Variants in CCDC171 observed in about 807,000 individuals in gnomAD.
The protein encoded by CCDC171 is coiled-coil domain-containing protein 171.
Under a neutral mutation model 168.2 loss-of-function variants are expected in CCDC171, and 177 were observed. The observed-to-expected ratio is 1.05, with a 90% CI of 0.93 to 1.19. The LOEUF is 1.19. Among genes scored for constraint, CCDC171 ranks in the 50% most tolerant of loss-of-function variants. CCDC171 has a pLI of 0.00. For missense variants in CCDC171, 1,991 were observed against 1,539.0 expected (o/e 1.29, Z -4.91); for synonymous variants, 687 against 540.8 (o/e 1.27, Z -3.75).
At chr9:16,067,123 G>A in the CCDC171 span, among the ~76,000 whole-genome samples, 4,299 of 151,962 alleles carry the variant, frequency 0.028, 196 homozygotes, top group African/African-American at 0.091. Flanking sequence ...TCCAGCACCT[G>A]TTGTTTCCTG....
intron 24 of CCDC171, among the ~76,000 whole-genome samples, chr9:15,906,710 T>A (rs1228507039): frequency 6.6e-6 from 1 of 152,090 alleles, no homozygotes. Flanking sequence ...GGGTATTCAA[T>A]GAGGAAAAGA....
chr9:15,806,622 G>A (rs1167399947), intron 21 of CCDC171, among the ~76,000 whole-genome samples: 3 of 151,048 alleles, frequency 2.0e-5, no homozygotes, highest in Non-Finnish European at 3.0e-5. Context: ...GACTGATGAG[G>A]TGGCCTGCCC....
intron 11 of CCDC171, among the ~76,000 whole-genome samples, chr9:15,703,283 T>A (rs566607907): frequency 6.6e-6 from 1 of 152,306 alleles, no homozygotes; most frequent in East Asian, 1.9e-4. Flanking sequence ...TACAACATTC[T>A]CCATATAGGT....
At chr9:15,631,313 G>C (rs1035527877) in intron 7 of CCDC171, among the ~76,000 whole-genome samples, 3 of 151,938 alleles carry the variant, frequency 2.0e-5, no homozygotes, top group African/African-American at 7.3e-5. Context: ...GAATCAAATA[G>C]ATGCAAGAAA....
At chr9:15,594,583 A>C (rs1312351671) in intron 6 of CCDC171, among the ~76,000 whole-genome samples, 2 of 152,084 alleles carry the variant, frequency 1.3e-5, no homozygotes, top group African/African-American at 4.8e-5. Flanking sequence ...ATTATCCTCT[A>C]TTCCTCCACC....
chr9:15,989,429 G>A lies in CCDC171; in HGVS notation n.369-31160G>A, dbSNP rs551956856. 1.4e-4 allele frequency among the ~76,000 whole-genome samples: 21 copies of A among 152,228 alleles called. No homozygotes were observed. The South Asian group carries it at 2.7e-3, about 20-fold the overall frequency. Reference sequence around the variant, plus strand: ...ATCCACACCAAAACCACATCTGTACGTCACCATCATCAAAGACCAAAGGTA... The same window carrying A: ...ATCCACACCAAAACCACATCTGTACATCACCATCATCAAAGACCAAAGGTA... On this transcript the variant is annotated intron_variant and non_coding_transcript_variant, in intron 3 of 9. Transcript: ENST00000486641.
At chr9:15,623,463 A>ACGCG (rs144676393) in intron 7 of CCDC171, 50 bp downstream of exon 7, 15,483 of 635,360 alleles carry the variant, frequency 0.024, 3,727 homozygotes, top group Non-Finnish European at 0.031. Flanking sequence ...ACTTTCACAT[A>ACGCG]TGCGCGCGCG....
At chr9:15,951,317 A>G (rs1271397661) in intron 25 of CCDC171, among the ~76,000 whole-genome samples, 1 of 151,814 alleles carries the variant, frequency 6.6e-6, no homozygotes, top group Non-Finnish European at 1.5e-5. Context: ...TCAACAGAAT[A>G]TACATTTTTT....
At chr9:15,955,377 G>A (rs1829689574) in intron 25 of CCDC171, among the ~76,000 whole-genome samples, 1 of 152,146 alleles carries the variant, frequency 6.6e-6, no homozygotes, top group African/African-American at 2.4e-5. Context: ...GTGGGGAGGT[G>A]CAACAATAAT....
intron 16 of CCDC171, among the ~76,000 whole-genome samples, chr9:15,738,647 T>C (rs1000036063): frequency 6.6e-6 from 1 of 152,092 alleles, no homozygotes; most frequent in African/African-American, 2.4e-5. Context: ...AAATTTGCTC[T>C]ATAGCTGTTT....
chr9:15,600,634 G>A lies in CCDC171; in HGVS notation c.675+6462G>A, dbSNP rs554458560. On this transcript the variant is annotated intron_variant, in intron 6 of 25. Coordinates refer to ENST00000380701, the MANE Select transcript of CCDC171 (RefSeq NM_173550.4). ...TCTGTTCTCAGATCTCCAGCTGCAT[G>A]CTGGGAGAACTGCTACTCTCTTCAA... Among the ~76,000 whole-genome samples the A allele has an allele frequency of 3.3e-4, 50 of 152,328 alleles. 1 individual carries two copies. The highest frequency in any genetic ancestry group is 9.8e-4 in the Admixed American group (15 of 15,306).
intron 21 of CCDC171, among the ~76,000 whole-genome samples, chr9:15,844,059 A>G (rs2060797770): frequency 6.6e-6 from 1 of 152,124 alleles, no homozygotes; most frequent in Admixed American, 6.6e-5. Flanking sequence ...TCTCTCCTGA[A>G]CAGTTTCTTG....
chr9:16,035,175 T>C (rs999904330), intron 6 of CCDC171, among the ~76,000 whole-genome samples: 2 of 152,218 alleles, frequency 1.3e-5, no homozygotes, highest in African/African-American at 4.8e-5. Flanking sequence ...TATCTGTTTA[T>C]AACAGCATTT....
chr9:15,598,407 C>T (rs1039328226), intron 6 of CCDC171, among the ~76,000 whole-genome samples: 9 of 151,998 alleles, frequency 5.9e-5, no homozygotes, highest in Non-Finnish European at 7.4e-5. Flanking sequence ...TCATTATGTA[C>T]CCAGCAGTCA....
Position 15,963,587 on chromosome 9 carries a change from T to C in CCDC171, c.3754-8022T>C, listed in dbSNP as rs10962241. Among the ~76,000 whole-genome samples, 41 of 152,312 alleles carry C rather than the reference T, an allele frequency of 2.7e-4. No homozygotes were observed. The East Asian group carries it at 7.0e-3, about 26-fold the overall frequency. On this transcript the variant is annotated intron_variant, in intron 25 of 25. Transcript: ENST00000380701. ...TCCCTCTTTTCAACAGTGGAGATCA[T>C]CAGACATCTAAGTTTTTGCCCATTT...
At chr9:15,920,036 G>A (rs1016706087) in intron 24 of CCDC171, among the ~76,000 whole-genome samples, 7 of 151,546 alleles carry the variant, frequency 4.6e-5, no homozygotes, top group Non-Finnish European at 1.0e-4. Flanking sequence ...ATAGATCAAA[G>A]TACATCTTAT....
Position 15,879,893 on chromosome 9 carries a change from A to G in CCDC171, c.3600+5230A>G, listed in dbSNP as rs566337453. On this transcript the variant is annotated intron_variant, in intron 24 of 25. Coordinates refer to ENST00000380701, the MANE Select transcript of CCDC171 (RefSeq NM_173550.4). ...TAAGGCTTTTAATACACATTCTCCA[A>G]TTGCCCCTGAAAAAGATAAGATGGT... is the stretch of plus-strand genomic sequence containing the variant. 5.3e-5 allele frequency among the ~76,000 whole-genome samples: 8 copies of G among 152,280 alleles called. No individual in the cohort carries two copies. The South Asian group carries it at 1.7e-3, about 32-fold the overall frequency.
intron 24 of CCDC171, among the ~76,000 whole-genome samples, chr9:15,882,253 T>C (rs1818746890): frequency 6.6e-6 from 1 of 152,238 alleles, no homozygotes; most frequent in African/African-American, 2.4e-5. Flanking sequence ...GAGAAATATC[T>C]ATTCAGATCT....
At chr9:15,861,550 T>TA (rs1380907171) in intron 23 of CCDC171, among the ~76,000 whole-genome samples, 2 of 151,890 alleles carry the variant, frequency 1.3e-5, no homozygotes. Flanking sequence ...TGTTTCCAGT[T>TA]ACCCTGGGGC....
Sources: gnomAD v4.1 joint callset for allele counts (sites outside exome capture counted in the v4.1 genomes callset) on GRCh38, gnomAD v4.1.1 for gene constraint, MANE v1.5 for transcripts, NCBI Gene and HGNC (gene_info 2026-07-23, HGNC 2026-07-21) for gene names.